The following TMEM132C variants were observed in gnomAD, a reference collection of about 807,000 sequenced individuals.
TMEM132C encodes transmembrane protein 132C.
TMEM132C carries 29 observed loss-of-function variants against 61.4 expected under a neutral mutation model. The ratio of observed to expected loss-of-function variants is 0.47; its 90% CI spans 0.35 to 0.64. The LOEUF (loss-of-function observed/expected upper bound fraction) is 0.64. TMEM132C is among the 30% of genes least tolerant of loss of function. The pLI is 0.00. For synonymous variants in TMEM132C, 656 were observed against 633.1 expected, an observed-to-expected ratio of 1.04 and a Z score of -0.54; for missense variants, 1,408 against 1,476.9, an observed-to-expected ratio of 0.95 and a Z score of 0.76.
chr12:128,697,280 T>C lies in TMEM132C; in HGVS notation c.1986T>C (p.Asp662=), dbSNP rs201057243. 90 of 1,548,670 alleles carry C rather than the reference T, an allele frequency of 5.8e-5. No homozygotes were observed. Among genetic ancestry groups the C allele is most frequent in the Middle Eastern group, 1.7e-4 (1 of 6,004 alleles). ...ILAEKTITVL[D]DKVSVTDLAI... is the part of the protein sequence containing the mutation. ...CAGAGAAGACAATAACCGTGCTAGA[T>C]GACAAAGTATCGGTGACAGACTTGG... The change falls in exon 8 of 9, where the codon GAT becomes GAC. Residue 662 remains aspartate (D), a synonymous_variant. Coordinates refer to ENST00000435159, the MANE Select transcript of TMEM132C (RefSeq NM_001136103.3).
In TMEM132C at chr12:128,532,365, G is replaced by A. The variant is rs111333508; in HGVS notation, c.975-11592G>A. 4.3e-3 allele frequency among the ~76,000 whole-genome samples: 657 copies of A among 151,764 alleles called. 2 individuals are homozygous for A. The highest frequency in any genetic ancestry group is 0.015 in the African/African-American group (617 of 41,430). Reference sequence around the variant, plus strand: ...AAAGAAAAAAAAAAGGAGGCCGGGCGCAGTGGCTCACACCTGTAATCCCAG... The same window carrying A: ...AAAGAAAAAAAAAAGGAGGCCGGGCACAGTGGCTCACACCTGTAATCCCAG... On this transcript the variant is annotated intron_variant, in intron 2 of 8. Coordinates refer to ENST00000435159, the MANE Select transcript of TMEM132C (RefSeq NM_001136103.3).
chr12:128,295,067 A>G (rs1683706), intron 1 of TMEM132C, among the ~76,000 whole-genome samples: 34,609 of 151,806 alleles, frequency 0.23, 4,443 homozygotes, highest in East Asian at 0.5. Context: ...AAAAATTGAG[A>G]AAGAAATGAT....
At chr12:128,624,804 G>C (rs1235664413) in intron 4 of TMEM132C, among the ~76,000 whole-genome samples, 3 of 152,176 alleles carry the variant, frequency 2.0e-5, no homozygotes, top group Admixed American at 2.0e-4. Flanking sequence ...TGTTACTACA[G>C]AATGTTCATC....
At chr12:128,288,165 T>C (rs1871134640) in intron 1 of TMEM132C, 1 of 151,958 alleles carries the variant, frequency 6.6e-6, no homozygotes, top group African/African-American at 2.4e-5. Flanking sequence ...TTCAAATGAT[T>C]CTCCTGCCCC....
chr12:128,471,725 T>G (rs1261755971), intron 2 of TMEM132C, among the ~76,000 whole-genome samples: 1 of 152,162 alleles, frequency 6.6e-6, no homozygotes, highest in South Asian at 2.1e-4. Flanking sequence ...TGCTTCAGTC[T>G]TCTCATCTAG....
chr12:128,676,732 C>G (rs1196978466), intron 5 of TMEM132C, among the ~76,000 whole-genome samples: 1 of 152,172 alleles, frequency 6.6e-6, no homozygotes, highest in Non-Finnish European at 1.5e-5. Context: ...GCTTTTCAGT[C>G]CTGGTTTGTC....
At chr12:128,687,035 A>T (rs1954682375) in intron 5 of TMEM132C, among the ~76,000 whole-genome samples, 2 of 150,336 alleles carry the variant, frequency 1.3e-5, no homozygotes, top group South Asian at 4.2e-4. Flanking sequence ...CATCTTTACT[A>T]AAAAAACAGT....
chr12:128,428,247 A>ATAAT (rs5801796), intron 2 of TMEM132C, among the ~76,000 whole-genome samples: 1 of 151,558 alleles, frequency 6.6e-6, no homozygotes, highest in Non-Finnish European at 1.5e-5. Context: ...TTTTTTCCCT[A>ATAAT]TAAAACTTTT....
chr12:128,428,110 T>A (rs960894008), intron 2 of TMEM132C, among the ~76,000 whole-genome samples: 1 of 152,140 alleles, frequency 6.6e-6, no homozygotes. Flanking sequence ...GCATTCCTGA[T>A]ACGCCATGCA....
chr12:128,698,629 C>G (rs1006735579), intron 8 of TMEM132C, among the ~76,000 whole-genome samples: 1 of 152,232 alleles, frequency 6.6e-6, no homozygotes, highest in Non-Finnish European at 1.5e-5. Flanking sequence ...TAGCTCTTTT[C>G]CTGGGAATGG....
chr12:128,620,419 G>A (rs1018904156), intron 4 of TMEM132C, among the ~76,000 whole-genome samples: 1 of 152,100 alleles, frequency 6.6e-6, no homozygotes, highest in African/African-American at 2.4e-5. Flanking sequence ...CCTAAGGTGA[G>A]GTCCAGATAG....
intron 1 of TMEM132C, among the ~76,000 whole-genome samples, chr12:128,365,430 A>T (rs1873833146): frequency 6.6e-6 from 1 of 152,164 alleles, no homozygotes; most frequent in Admixed American, 6.5e-5. Context: ...TATTACTATT[A>T]TTAGTTCTAT....
intron 3 of TMEM132C, among the ~76,000 whole-genome samples, chr12:128,607,570 TG>T (rs759498375): frequency 1.1e-4 from 16 of 152,036 alleles, no homozygotes; most frequent in Non-Finnish European, 1.9e-4. Context: ...GTAACGAAGG[TG>T]GTGGGAAGTG....
At chr12:128,603,316 G>C (rs1163494785) in intron 3 of TMEM132C, among the ~76,000 whole-genome samples, 1 of 152,236 alleles carries the variant, frequency 6.6e-6, no homozygotes, top group Non-Finnish European at 1.5e-5. Context: ...TCCCCTTGCA[G>C]AGGGGTGTGC....
intron 1 of TMEM132C, among the ~76,000 whole-genome samples, chr12:128,386,640 G>A (rs568623511): frequency 1.3e-5 from 2 of 152,200 alleles, no homozygotes; most frequent in Non-Finnish European, 2.9e-5. Flanking sequence ...TGTTCTACAC[G>A]TGTGACAGGC....
chr12:128,645,638 C>G (rs985926125), intron 4 of TMEM132C, among the ~76,000 whole-genome samples: 4 of 152,244 alleles, frequency 2.6e-5, no homozygotes, highest in Non-Finnish European at 5.9e-5. Flanking sequence ...TAGCTCATCC[C>G]TCTCTTGGAA....
In TMEM132C at chr12:128,415,396, C is replaced by A; in HGVS notation, c.750C>A (p.Asn250Lys). ...DCAGGDFRKG[N>K]AIRPGKDGLE... is the part of the protein sequence containing the mutation. The stretch of plus-strand genomic sequence containing the variant: ...CCGGGGGTGACTTCAGGAAGGGCAA[C>A]GCCATCCGTCCAGGAAAGGATGGGC... The change falls in exon 2 of 9, where the codon AAC (asparagine) becomes AAA (lysine). Residue 250 changes from asparagine to lysine, a missense_variant. Coordinates refer to ENST00000435159, the MANE Select transcript of TMEM132C (RefSeq NM_001136103.3). The surrounding 1 kb of genome is among the most constrained non-coding windows in gnomAD (Gnocchi z 5.8). 3.2e-6 allele frequency: 5 copies of A among 1,550,120 alleles called. No individual in the cohort carries two copies. The highest frequency in any genetic ancestry group is 4.4e-6 in the Non-Finnish European group (5 of 1,145,862).
intron 3 of TMEM132C, among the ~76,000 whole-genome samples, chr12:128,577,283 T>C (rs1458824799): frequency 6.6e-6 from 1 of 152,246 alleles, no homozygotes; most frequent in Non-Finnish European, 1.5e-5. Context: ...GTCTGGAGAA[T>C]ATTCCATTGT....
intron 2 of TMEM132C, among the ~76,000 whole-genome samples, chr12:128,472,768 G>C (rs1303477484): frequency 6.6e-6 from 1 of 152,150 alleles, no homozygotes; most frequent in Non-Finnish European, 1.5e-5. Context: ...AGGTGTGCAG[G>C]CTCCTTTGCC....
Sources: allele counts gnomAD v4.1 joint callset (sites outside exome capture counted in the v4.1 genomes callset), GRCh38; gene constraint gnomAD v4.1.1; non-coding constraint Gnocchi (gnomAD v3.1); transcripts MANE v1.5; gene names NCBI Gene and HGNC (gene_info 2026-07-23, HGNC 2026-07-21).